The following ANXA4 variants were observed in gnomAD, a reference collection of about 807,000 sequenced individuals.
The protein encoded by ANXA4 is 35-beta calcimedin.
In ANXA4, 39 loss-of-function variants were observed where a neutral mutation model predicts 49.8. The ratio of observed to expected loss-of-function variants is 0.78; its 90% CI spans 0.61 to 1.02. The LOEUF (loss-of-function observed/expected upper bound fraction) is 1.02. ANXA4 is among the 50% of genes least tolerant of loss of function. The pLI, the probability that ANXA4 is intolerant of heterozygous loss-of-function variation, is 0.00. For missense variants in ANXA4, 360 were observed against 410.1 expected (o/e 0.88, Z 1.05); for synonymous variants, 134 against 152.5 (o/e 0.88, Z 0.89).
At chr2:69,757,266 A>ATATATATT (rs1424932911) in intron 1 of ANXA4, among the ~76,000 whole-genome samples, 1 of 27,644 alleles carries the variant, frequency 3.6e-5, no homozygotes, top group Non-Finnish European at 6.7e-5. Flanking sequence ...ATATATATAT[A>ATATATATT]TTTTTTTTTT....
chr2:69,816,279 C>T, intron 9 of ANXA4, 85 bp downstream of exon 9: 1 of 1,108,814 alleles, frequency 9.0e-7, no homozygotes, highest in South Asian at 1.3e-5. Flanking sequence ...TAACCTTCCT[C>T]CTTCAGTTGG....
chr2:69,801,844 ACC>A (rs1673208739), intron 3 of ANXA4, among the ~76,000 whole-genome samples: 1 of 152,040 alleles, frequency 6.6e-6, no homozygotes. Context: ...CTGAGAAAGC[ACC>A]CATAAGAATC....
chr2:69,765,277 A>G (rs1052757021), intron 1 of ANXA4, among the ~76,000 whole-genome samples: 12 of 152,132 alleles, frequency 7.9e-5, no homozygotes, highest in South Asian at 2.1e-4. Flanking sequence ...TGGTAATTCT[A>G]TTTTTAATTT....
chr2:69,818,292 A>AG (rs1006358873), intron 9 of ANXA4: 14 of 186,866 alleles, frequency 7.5e-5, no homozygotes, highest in Non-Finnish European at 1.5e-4. Flanking sequence ...CTGCTTATTA[A>AG]GGAAACAATG....
chr2:69,783,813 A>G (rs898750624), intron 2 of ANXA4, among the ~76,000 whole-genome samples: 8 of 152,154 alleles, frequency 5.3e-5, no homozygotes, highest in Non-Finnish European at 5.9e-5. Context: ...GAGTGTTATC[A>G]TAAGTTAGTT....
intron 1 of ANXA4, among the ~76,000 whole-genome samples, chr2:69,765,272 A>C (rs1288735389): frequency 6.6e-6 from 1 of 152,128 alleles, no homozygotes; most frequent in Non-Finnish European, 1.5e-5. Flanking sequence ...CCATATGGTA[A>C]TTCTATTTTT....
intron 2 of ANXA4, among the ~76,000 whole-genome samples, chr2:69,692,207 A>T (rs946124483): frequency 6.6e-6 from 1 of 152,210 alleles, no homozygotes; most frequent in Non-Finnish European, 1.5e-5. Context: ...TTTTAAAGAA[A>T]ATTTCAGAAG....
chr2:69,768,929 A>C (rs915734868), intron 1 of ANXA4, among the ~76,000 whole-genome samples: 3 of 152,158 alleles, frequency 2.0e-5, no homozygotes, highest in African/African-American at 7.2e-5. Flanking sequence ...GTTAAAAAAC[A>C]AAAAACAAAA....
intron 8 of ANXA4, among the ~76,000 whole-genome samples, chr2:69,814,549 A>G (rs1415972166): frequency 6.6e-6 from 1 of 151,678 alleles, no homozygotes; most frequent in Non-Finnish European, 1.5e-5. Flanking sequence ...GGGTTTTGCC[A>G]TATTGCCCAG....
At chr2:69,731,218 T>C (rs1670086165) in intron 3 of ANXA4, among the ~76,000 whole-genome samples, 1 of 152,234 alleles carries the variant, frequency 6.6e-6, no homozygotes, top group Non-Finnish European at 1.5e-5. Context: ...TGGAGTCTCC[T>C]GCAATGACTG....
At chr2:69,658,282 C>A (rs987315052) in intron 2 of ANXA4, among the ~76,000 whole-genome samples, 1 of 151,830 alleles carries the variant, frequency 6.6e-6, no homozygotes, top group Non-Finnish European at 1.5e-5. Context: ...CTCCCGTAAT[C>A]CCAGCTACTT....
chr2:69,708,704 A>G (rs1678581506), intron 2 of ANXA4, among the ~76,000 whole-genome samples: 1 of 152,028 alleles, frequency 6.6e-6, no homozygotes, highest in African/African-American at 2.4e-5. Context: ...CTCTCTGAAG[A>G]TGGTCCTCCA....
chr2:69,644,717 G>GGTGC (rs1157772077), exon 1 of ANXA4: 2 of 152,238 alleles, frequency 1.3e-5, no homozygotes, highest in Admixed American at 1.3e-4. Context: ...TGACGCTGTG[G>GGTGC]GTGCGCATCA....
At position 69,657,524 on chromosome 2, in the gene ANXA4, A is replaced by G. The variant is rs1056025848; in HGVS notation, n.766+4242A>G. Among the ~76,000 whole-genome samples the G allele has an allele frequency of 3.3e-5, 5 of 152,330 alleles. No individual in the cohort carries two copies. The East Asian group carries it at 9.6e-4, about 29-fold the overall frequency. On this transcript the variant is annotated intron_variant and non_coding_transcript_variant, in intron 2 of 3. Coordinates refer to the ANXA4 transcript ENST00000418066. ...ATCCTACTTATTCTCCAACAGTTAG[A>G]AATTTCACATTATTGCTTTTTCTTC... is the stretch of plus-strand genomic sequence containing the variant.
intron 1 of ANXA4, among the ~76,000 whole-genome samples, chr2:69,772,650 T>A (rs1383976207): frequency 6.6e-6 from 1 of 152,198 alleles, no homozygotes; most frequent in Non-Finnish European, 1.5e-5. Flanking sequence ...GTAGACTGAC[T>A]TTACACATAC....
At chr2:69,759,872 G>A (rs182093840) in intron 1 of ANXA4, among the ~76,000 whole-genome samples, 13 of 152,060 alleles carry the variant, frequency 8.5e-5, no homozygotes, top group African/African-American at 1.9e-4. Context: ...TGGCTCTATC[G>A]CCCAGGCTGG....
chr2:69,773,121 G>A (rs1559172793), intron 1 of ANXA4, among the ~76,000 whole-genome samples: 6 of 152,166 alleles, frequency 3.9e-5, no homozygotes, highest in African/African-American at 7.2e-5. Flanking sequence ...ACTGTGTGCT[G>A]TCCAAGTTTC....
intron 1 of ANXA4, among the ~76,000 whole-genome samples, chr2:69,751,304 A>G (rs1465630960): frequency 6.6e-6 from 1 of 152,114 alleles, no homozygotes; most frequent in Non-Finnish European, 1.5e-5. Context: ...GCCTGAGCTC[A>G]GGGGTTCGAG....
intron 3 of ANXA4, among the ~76,000 whole-genome samples, chr2:69,796,971 C>T (rs1573276894): frequency 6.6e-6 from 1 of 151,400 alleles, no homozygotes; most frequent in Admixed American, 6.7e-5. Context: ...CATTTGCTCT[C>T]CTGTCTACAG....
Sources: gnomAD v4.1 joint callset for allele counts (sites outside exome capture counted in the v4.1 genomes callset) on GRCh38, gnomAD v4.1.1 for gene constraint, MANE v1.5 for transcripts, NCBI Gene and HGNC (gene_info 2026-07-23, HGNC 2026-07-21) for gene names.